SASH1: variants seen among roughly 807,000 people sequenced by gnomAD.
SASH1 encodes SAM and SH3 domain containing 1.
Under a neutral mutation model 125.2 loss-of-function variants are expected in SASH1, and 44 were observed. The observed-to-expected ratio is 0.35, with a 90% CI of 0.28 to 0.45. The LOEUF is 0.45. Ranked by LOEUF, SASH1 falls within the 20% of genes least tolerant of loss-of-function variation. The probability of loss-of-function intolerance (pLI) is 1.00; values close to 1 mark genes in which losing one functional copy is unlikely to be tolerated. For missense variants in SASH1, 1,426 were observed against 1,614.5 expected (o/e 0.88, Z 2.00); for synonymous variants, 639 against 649.1 (o/e 0.98, Z 0.24).
rs1314747567 is a variant in SASH1, at chr6:148,468,548, C to T, written c.390C>T (p.Asn130=). The T allele has an allele frequency of 6.2e-7, 1 of 1,608,346 alleles. No homozygotes were observed. The highest frequency in any genetic ancestry group is 1.1e-5 in the South Asian group (1 of 90,430). The change falls in exon 5 of 20, where the codon AAC becomes AAT. Residue 130 remains asparagine, a synonymous_variant. Transcript: ENST00000367467. The part of the protein sequence containing the change: ...AVSTPEVERK[N]PLHKSNSEDS... Reference sequence around the variant, plus strand: ...CTGATTTGTTTTTCTTTTCTAGGAACCCTCTTCATAAATCAAACTCAGAAG... The same window carrying T: ...CTGATTTGTTTTTCTTTTCTAGGAATCCTCTTCATAAATCAAACTCAGAAG...
the SASH1 span, among the ~76,000 whole-genome samples, chr6:148,256,985 T>C: frequency 6.6e-6 from 1 of 152,146 alleles, no homozygotes; most frequent in Non-Finnish European, 1.5e-5. Context: ...AGGTTAACTG[T>C]GATAATAGGT....
chr6:148,404,190 C>A (rs1784284469), intron 2 of SASH1, among the ~76,000 whole-genome samples: 1 of 152,100 alleles, frequency 6.6e-6, no homozygotes, highest in African/African-American at 2.4e-5. Context: ...TGAGAAAAAT[C>A]TTTTAAGCAA....
chr6:148,354,848 T>C (rs1261389542), intron 1 of SASH1, among the ~76,000 whole-genome samples: 1 of 152,202 alleles, frequency 6.6e-6, no homozygotes, highest in Admixed American at 6.5e-5. Flanking sequence ...CTGCAACCTC[T>C]GCCTCCCGCG....
chr6:148,383,566 G>A (rs1016510636), intron 1 of SASH1, among the ~76,000 whole-genome samples: 2 of 152,016 alleles, frequency 1.3e-5, no homozygotes, highest in African/African-American at 4.8e-5. Flanking sequence ...TCACACATTC[G>A]TTTGCATACA....
intron 9 of SASH1, among the ~76,000 whole-genome samples, chr6:148,518,645 G>A (rs1780611894): frequency 6.6e-6 from 1 of 152,144 alleles, no homozygotes; most frequent in African/African-American, 2.4e-5. Flanking sequence ...AGAGCTCAAA[G>A]TTTCCCTATA....
intron 2 of SASH1, among the ~76,000 whole-genome samples, chr6:148,399,192 T>C (rs2114861337): frequency 6.6e-6 from 1 of 150,790 alleles, no homozygotes; most frequent in East Asian, 1.9e-4. Flanking sequence ...ATTTTTCAAA[T>C]GTGCATCAAC....
intron 1 of SASH1, among the ~76,000 whole-genome samples, chr6:148,306,702 G>C (rs1780137924): frequency 6.6e-6 from 1 of 152,168 alleles, no homozygotes; most frequent in Non-Finnish European, 1.5e-5. Context: ...CCCGAGCTGA[G>C]ACAGGGTCAG....
intron 1 of SASH1, among the ~76,000 whole-genome samples, chr6:148,375,505 A>G (rs1360890220): frequency 2.6e-5 from 4 of 152,176 alleles, no homozygotes; most frequent in Non-Finnish European, 5.9e-5. Context: ...GAACAGATTC[A>G]TGTGCTTCAG....
chr6:148,536,097 A>G (rs1781830323), intron 16 of SASH1, among the ~76,000 whole-genome samples: 1 of 152,184 alleles, frequency 6.6e-6, no homozygotes, highest in African/African-American at 2.4e-5. Context: ...ATTGTGATTC[A>G]TAGTTAATAT....
At chr6:148,521,759 T>G (rs552404650) in intron 10 of SASH1, among the ~76,000 whole-genome samples, 4 of 152,378 alleles carry the variant, frequency 2.6e-5, no homozygotes, top group Non-Finnish European at 2.9e-5. Context: ...CTTAGTTTTA[T>G]GTATTTATTT....
the SASH1 span, among the ~76,000 whole-genome samples, chr6:148,265,175 C>T: frequency 0.02 from 3,061 of 152,172 alleles, 97 homozygotes; most frequent in African/African-American, 0.07. Context: ...GCAGACATGA[C>T]GGCACACACC....
intron 1 of SASH1, among the ~76,000 whole-genome samples, chr6:148,370,003 C>T (rs1317874393): frequency 8.4e-6 from 1 of 119,070 alleles, no homozygotes; most frequent in African/African-American, 3.1e-5. Flanking sequence ...AAAAACCCAA[C>T]CCAAACCAGC....
At chr6:148,256,064 A>G in the SASH1 span, among the ~76,000 whole-genome samples, 1 of 152,152 alleles carries the variant, frequency 6.6e-6, no homozygotes, top group South Asian at 2.1e-4. Context: ...CATGGCCTCA[A>G]TTATCTATAG....
chr6:148,483,258 G>A (rs911278118), intron 7 of SASH1, among the ~76,000 whole-genome samples: 1 of 152,084 alleles, frequency 6.6e-6, no homozygotes, highest in African/African-American at 2.4e-5. Context: ...GGAGAGGGGA[G>A]GTGCCTGGCT....
chr6:148,209,645 C>T, the SASH1 span, among the ~76,000 whole-genome samples: 1 of 152,180 alleles, frequency 6.6e-6, no homozygotes, highest in Non-Finnish European at 1.5e-5. Context: ...TATCTCAAGC[C>T]TCCGGAATAA....
chr6:148,379,333 A>G (rs1783038432), intron 1 of SASH1, among the ~76,000 whole-genome samples: 1 of 152,114 alleles, frequency 6.6e-6, no homozygotes, highest in African/African-American at 2.4e-5. Flanking sequence ...GAGGAATTAC[A>G]TTTGATATTC....
chr6:148,484,339 C>CAT (rs781040589), intron 7 of SASH1, among the ~76,000 whole-genome samples: 1 of 151,852 alleles, frequency 6.6e-6, no homozygotes, highest in African/African-American at 2.4e-5. Flanking sequence ...TTGCTTAAGA[C>CAT]ACACACACAC....
At chr6:148,207,421 T>C in the SASH1 span, among the ~76,000 whole-genome samples, 1 of 152,238 alleles carries the variant, frequency 6.6e-6, no homozygotes, top group Non-Finnish European at 1.5e-5. Context: ...GACTGTCCTC[T>C]TAGTTTCTAG....
At chr6:148,431,386 A>G (rs1776054973) in intron 2 of SASH1, among the ~76,000 whole-genome samples, 1 of 151,986 alleles carries the variant, frequency 6.6e-6, no homozygotes, top group African/African-American at 2.4e-5. Context: ...TTTAGAAGAG[A>G]TAGGGTTTCA....
Sources: allele counts gnomAD v4.1 joint callset (sites outside exome capture counted in the v4.1 genomes callset), GRCh38; gene constraint gnomAD v4.1.1; transcripts MANE v1.5; gene names NCBI Gene and HGNC (gene_info 2026-07-23, HGNC 2026-07-21).